Variants in ST13 observed in about 807,000 individuals in gnomAD.
ST13 encodes the protein ST13 Hsp70 interacting protein, also known as hsc70-interacting protein.
In ST13, 23 loss-of-function variants were observed where a neutral mutation model predicts 56.7. The observed-to-expected ratio is 0.41, with a 90% CI of 0.29 to 0.57. The LOEUF is 0.57. ST13 is among the 20% of genes least tolerant of loss of function. The probability of loss-of-function intolerance (pLI) is 0.36; values close to 1 mark genes in which losing one functional copy is unlikely to be tolerated. For synonymous variants in ST13, 132 were observed against 142.4 expected (o/e 0.93, Z 0.52); for missense variants, 369 against 459.9 (o/e 0.80, Z 1.81).
At chr22:40,841,879 C>T (rs1266144178) in intron 4 of ST13, among the ~76,000 whole-genome samples, 1 of 152,064 alleles carries the variant, frequency 6.6e-6, no homozygotes, top group Non-Finnish European at 1.5e-5. Context: ...AAGCATAAGC[C>T]GCCACTCCTG....
intron 3 of ST13, among the ~76,000 whole-genome samples, chr22:40,847,556 G>GAAA (rs1177807946): frequency 2.4e-5 from 2 of 83,988 alleles, no homozygotes; most frequent in African/African-American, 4.3e-5. Flanking sequence ...CTCAAAAAAA[G>GAAA]AAAAAAAAAA....
At chr22:40,844,322 T>A (rs2145744164) in intron 4 of ST13, among the ~76,000 whole-genome samples, 1 of 152,352 alleles carries the variant, frequency 6.6e-6, no homozygotes, top group Middle Eastern at 3.4e-3. Context: ...GTTTCTCAAA[T>A]TTTTATCAGA....
intron 8 of ST13, 59 bp downstream of exon 8, chr22:40,832,510 A>G: frequency 8.1e-7 from 1 of 1,236,776 alleles, no homozygotes; most frequent in Non-Finnish European, 1.2e-6. Flanking sequence ...GTCGGGGGCT[A>G]AGCACTACAG....
intron 7 of ST13, among the ~76,000 whole-genome samples, chr22:40,833,140 G>A (rs1216478257): frequency 3.9e-5 from 6 of 152,134 alleles, no homozygotes; most frequent in South Asian, 2.1e-4. Flanking sequence ...AGACAGCAAC[G>A]AAAACTGAGA....
intron 3 of ST13, 111 bp from the exon 4 acceptor site, chr22:40,845,020 T>C: frequency 1.4e-6 from 1 of 695,010 alleles, no homozygotes; most frequent in Non-Finnish European, 2.3e-6. Flanking sequence ...TTATTTTAAG[T>C]ATTGATGCAT....
At chr22:40,853,105 C>T (rs970211641) in intron 1 of ST13, among the ~76,000 whole-genome samples, 4 of 152,168 alleles carry the variant, frequency 2.6e-5, no homozygotes, top group Admixed American at 1.3e-4. Context: ...GACTGAGGAA[C>T]TGTTTCAGAA....
intron 11 of ST13, 104 bp from the exon 12 acceptor site, chr22:40,826,770 T>C: frequency 7.4e-7 from 1 of 1,344,552 alleles, no homozygotes; most frequent in Non-Finnish European, 1.0e-6. Context: ...TTGGTGATAG[T>C]TAAGTTAAAT....
chr22:40,831,006 C>T, intron 8 of ST13, 50 bp from the exon 9 acceptor site: 1 of 1,135,316 alleles, frequency 8.8e-7, no homozygotes, highest in Non-Finnish European at 1.3e-6. Context: ...AGCTGAATAA[C>T]ATCAACACAA....
intron 1 of ST13, 113 bp downstream of exon 1, chr22:40,856,318 C>A (rs1293681679): frequency 4.4e-6 from 4 of 919,156 alleles, no homozygotes; most frequent in South Asian, 2.8e-5. Context: ...CTTTCCCGGG[C>A]AAAGAAGGGG....
chr22:40,840,826 A>G, intron 4 of ST13, 134 bp from the exon 5 acceptor site: 1 of 689,996 alleles, frequency 1.4e-6, no homozygotes, highest in South Asian at 2.0e-5. Context: ...GAGAACAAAG[A>G]GACAATTATG....
In ST13 at chr22:40,845,367, T is replaced by TG. The variant is rs749677026; in HGVS notation, c.245-459dup. ...TCCTTTTTTAAAATTAAAATAATTT[T>TG]GGGGGGGGCACAGGATCTTACTATG... On this transcript the variant is annotated intron_variant, in intron 3 of 11. Transcript: ENST00000216218. Among the ~76,000 whole-genome samples, 213 of 151,546 alleles carry TG rather than the reference T, an allele frequency of 1.4e-3. 1 individual carries two copies. Among genetic ancestry groups the TG allele is most frequent in the East Asian group, 0.014 (71 of 5,174 alleles).
At chr22:40,847,152 A>G (rs573111506) in intron 3 of ST13, among the ~76,000 whole-genome samples, 4 of 152,384 alleles carry the variant, frequency 2.6e-5, no homozygotes, top group African/African-American at 9.6e-5. Flanking sequence ...CATAGCACAG[A>G]TAACTACTCT....
At chr22:40,849,200 G>A (rs1221402838) in intron 2 of ST13, among the ~76,000 whole-genome samples, 3 of 152,068 alleles carry the variant, frequency 2.0e-5, no homozygotes, top group Non-Finnish European at 4.4e-5. Context: ...AACCAAGGCA[G>A]GGCGCAGTGG....
intron 7 of ST13, among the ~76,000 whole-genome samples, chr22:40,834,188 G>C (rs1308536829): frequency 6.6e-6 from 1 of 152,058 alleles, no homozygotes; most frequent in Non-Finnish European, 1.5e-5. Context: ...GGCTGACTGA[G>C]GCAGGATAAT....
chr22:40,826,712 T>C, intron 11 of ST13, 46 bp from the exon 12 acceptor site: 1 of 1,596,066 alleles, frequency 6.3e-7, no homozygotes, highest in South Asian at 1.1e-5. Context: ...TCCTACTGGG[T>C]CAGTAAGTTT....
In ST13 at chr22:40,835,563, T is replaced by G; in HGVS notation, c.575A>C (p.His192Pro). 1 of 1,607,220 alleles carries G rather than the reference T, an allele frequency of 6.2e-7. No homozygotes were observed. Among genetic ancestry groups the G allele is most frequent in the South Asian group, 1.1e-5 (1 of 90,852 alleles). ...AQPYKWRGKA[H>P]RLLGHWEEAA... ...ATAATTAAATTCAATTATTTACCTGTGTGCTTTCCCCCGCCACTTGTAAGG... is the reference window on the plus strand; with the variant it reads ...ATAATTAAATTCAATTATTTACCTGGGTGCTTTCCCCCGCCACTTGTAAGG... The change falls in exon 7 of 12, where the codon CAC becomes CCC. Residue 192 changes from histidine (H) to proline (P), a missense_variant. His to Pro is a moderately conservative substitution (Grantham distance 77). Around this residue, in one of 3 missense-constraint regions of ST13, gnomAD observed 64 missense variants for 125.1 expected, o/e 0.51. Transcript: ENST00000216218.
intron 4 of ST13, among the ~76,000 whole-genome samples, chr22:40,844,451 T>C (rs1445739637): frequency 2.0e-5 from 3 of 151,858 alleles, no homozygotes; most frequent in Admixed American, 6.6e-5. Flanking sequence ...CATTGTAATA[T>C]ATAGAATTTT....
intron 5 of ST13, among the ~76,000 whole-genome samples, chr22:40,836,319 C>T (rs559407470): frequency 1.6e-4 from 25 of 152,274 alleles, no homozygotes; most frequent in African/African-American, 4.8e-4. Context: ...GGCGTGGGGG[C>T]GGAGCCCTGT....
Position 40,856,296 on chromosome 22 carries a change from G to A in ST13, c.110+135C>T. On this transcript the variant is annotated intron_variant, in intron 1 of 11. Coordinates refer to ENST00000216218, the MANE Select transcript of ST13 (RefSeq NM_003932.5). ...GGCTCGCGATCTTCCATGACCCCTC[G>A]AAGTTGCCTCCCTTTCCCGGGCAAA... The A allele has an allele frequency of 5.4e-6, 4 of 741,450 alleles. No individual in the cohort carries two copies. The East Asian group carries it at 7.7e-5, about 14-fold the overall frequency. The allele number at this position is 741,450 out of a possible 1,614,324, so 45.9% of individuals were successfully genotyped here. A position where few individuals can be genotyped will look rare whatever the true frequency, so the allele number is the denominator to read the frequency against.
Sources: gnomAD v4.1 joint callset for allele counts (sites outside exome capture counted in the v4.1 genomes callset) on GRCh38, gnomAD v4.1.1 for gene constraint, gnomAD v4.1.1 regional missense constraint, MANE v1.5 for transcripts, NCBI Gene and HGNC (gene_info 2026-07-23, HGNC 2026-07-21) for gene names.